The following UNC5C variants were observed in gnomAD, a reference collection of about 807,000 sequenced individuals.
The protein encoded by UNC5C is unc-5 netrin receptor C.
In UNC5C, 47 loss-of-function variants were observed where a neutral mutation model predicts 99.8. The observed-to-expected ratio is 0.47, with a 90% confidence interval of 0.37 to 0.60. The LOEUF is 0.60. Ranked by LOEUF, UNC5C falls within the 20% of genes least tolerant of loss-of-function variation. UNC5C has a pLI of 0.00. For synonymous variants in UNC5C, 487 were observed against 452.2 expected (o/e 1.08, Z -0.98); for missense variants, 1,062 against 1,165.9 (o/e 0.91, Z 1.30).
chr4:95,178,916 T>G (rs2149348410), intron 14 of UNC5C, among the ~76,000 whole-genome samples: 1 of 152,348 alleles, frequency 6.6e-6, no homozygotes, highest in East Asian at 1.9e-4. Context: ...ATCAAATGGC[T>G]GACAACAGCC....
At chr4:95,257,179 C>T (rs1231226543) in intron 4 of UNC5C, among the ~76,000 whole-genome samples, 2 of 152,180 alleles carry the variant, frequency 1.3e-5, no homozygotes, top group African/African-American at 2.4e-5. Context: ...TTCTCTTACT[C>T]AGTGTCAGCG....
Position 95,292,278 on chromosome 4 carries a change from GT to G in UNC5C, c.490+9327del, listed in dbSNP as rs1222354890. Among the ~76,000 whole-genome samples the G allele has an allele frequency of 8.5e-4, 104 of 121,972 alleles. 1 individual carries two copies. Among genetic ancestry groups the G allele is most frequent in the African/African-American group, 2.0e-3 (67 of 34,340 alleles). 80.0% of individuals were successfully genotyped at this position (121,972 alleles called of 152,430 possible). ...ATATATATATATATAAATTTTTTTT[GT>G]TTTTTTTTGAGATGGAGTCTTGCTC... On this transcript the variant is annotated intron_variant, in intron 3 of 15. Coordinates refer to ENST00000453304, the MANE Select transcript of UNC5C (RefSeq NM_003728.4).
At chr4:95,253,726 C>A (rs968654282) in intron 4 of UNC5C, among the ~76,000 whole-genome samples, 1 of 152,168 alleles carries the variant, frequency 6.6e-6, no homozygotes, top group Non-Finnish European at 1.5e-5. Context: ...CAAGACCCCA[C>A]AGTCCCCAAC....
Position 95,548,910 on chromosome 4 carries a change from C to A in UNC5C, c.-53G>T. The A allele has an allele frequency of 6.2e-7, 1 of 1,603,798 alleles. No individual in the cohort carries two copies. The highest frequency in any genetic ancestry group is 8.5e-7 in the Non-Finnish European group (1 of 1,174,836). ...GGAGGGGGACAGAGAGACGCGCAAA[C>A]AGCTGAAAGCCCCACTGGGCAGAAG... On this transcript the variant is annotated 5_prime_UTR_variant, in exon 1 of 16. Coordinates refer to ENST00000453304, the MANE Select transcript of UNC5C (RefSeq NM_003728.4).
chr4:95,355,988 G>A (rs1744169145), intron 1 of UNC5C, among the ~76,000 whole-genome samples: 1 of 151,808 alleles, frequency 6.6e-6, no homozygotes. Context: ...CCAGGAATTT[G>A]AGACCAGCAT....
intron 1 of UNC5C, among the ~76,000 whole-genome samples, chr4:95,519,177 C>T (rs1722288051): frequency 6.6e-6 from 1 of 152,060 alleles, no homozygotes; most frequent in African/African-American, 2.4e-5. Context: ...GTCTGCTAAA[C>T]TGCAAGCATG....
chr4:95,205,984 A>G (rs2149362030), intron 11 of UNC5C, among the ~76,000 whole-genome samples: 1 of 151,320 alleles, frequency 6.6e-6, no homozygotes, highest in East Asian at 1.9e-4. Flanking sequence ...TGCAAATTAT[A>G]TACGTATATA....
chr4:95,196,304 A>G (rs1046617095), intron 12 of UNC5C, among the ~76,000 whole-genome samples: 1 of 152,166 alleles, frequency 6.6e-6, no homozygotes, highest in African/African-American at 2.4e-5. Context: ...ACCAAACTCA[A>G]CCTTTTCAAT....
intron 1 of UNC5C, among the ~76,000 whole-genome samples, chr4:95,501,670 A>G (rs888198377): frequency 6.6e-6 from 1 of 152,132 alleles, no homozygotes. Context: ...ATAATAAACT[A>G]TAGCTTGTGA....
chr4:95,270,710 A>C lies in UNC5C; in HGVS notation c.594+7549T>G, dbSNP rs563331623. 2.6e-5 allele frequency among the ~76,000 whole-genome samples: 4 copies of C among 152,340 alleles called. No homozygotes were observed. The South Asian group carries it at 8.3e-4, about 32-fold the overall frequency. On this transcript the variant is annotated intron_variant, in intron 4 of 15. Transcript: ENST00000453304. ...TGACAAATGAACTAATACCAACAAC[A>C]ACCAAATAAAATAAAATAACCAAAA...
chr4:95,277,126 C>T (rs1560765836), intron 4 of UNC5C, among the ~76,000 whole-genome samples: 1 of 152,028 alleles, frequency 6.6e-6, no homozygotes, highest in African/African-American at 2.4e-5. Context: ...TTATTAATTG[C>T]TTTATGGACT....
chr4:95,271,251 G>A (rs1740651300), intron 4 of UNC5C, among the ~76,000 whole-genome samples: 2 of 149,890 alleles, frequency 1.3e-5, no homozygotes, highest in African/African-American at 5.0e-5. Context: ...TTTTTGAGAC[G>A]GAGTCTCGCT....
At chr4:95,377,205 C>G (rs1176247291) in intron 1 of UNC5C, among the ~76,000 whole-genome samples, 1 of 152,206 alleles carries the variant, frequency 6.6e-6, no homozygotes, top group African/African-American at 2.4e-5. Flanking sequence ...CAAAATCACA[C>G]TTTTCAATTT....
chr4:95,202,462 T>A (rs1205501663), intron 12 of UNC5C, among the ~76,000 whole-genome samples: 1 of 152,174 alleles, frequency 6.6e-6, no homozygotes, highest in Non-Finnish European at 1.5e-5. Flanking sequence ...CATCCACGGG[T>A]CTCGTTGCCA....
chr4:95,445,231 C>A (rs544736684), intron 1 of UNC5C, among the ~76,000 whole-genome samples: 4 of 152,088 alleles, frequency 2.6e-5, no homozygotes, highest in Admixed American at 6.6e-5. Flanking sequence ...TTGTCCTTCC[C>A]TACTTGCAAC....
intron 3 of UNC5C, among the ~76,000 whole-genome samples, chr4:95,286,440 T>C (rs1455491253): frequency 2.6e-5 from 4 of 152,306 alleles, no homozygotes; most frequent in African/African-American, 4.8e-5. Flanking sequence ...AAGTTACGCA[T>C]GGCACTGTGG....
chr4:95,191,536 C>T (rs966181467), intron 12 of UNC5C, among the ~76,000 whole-genome samples: 2 of 151,886 alleles, frequency 1.3e-5, no homozygotes, highest in Non-Finnish European at 1.5e-5. Flanking sequence ...ACCCTCTGCT[C>T]ACCCTCCCCA....
In UNC5C at chr4:95,237,505, A is replaced by G. The variant is rs143239434; in HGVS notation, c.1108+4924T>C. 3.5e-3 allele frequency among the ~76,000 whole-genome samples: 532 copies of G among 152,328 alleles called. 6 individuals are homozygous for G. Among genetic ancestry groups the G allele is most frequent in the African/African-American group, 0.012 (506 of 41,570 alleles). The stretch of plus-strand genomic sequence containing the variant: ...TTTCAATTGGTGTCAAATTTGAGGA[A>G]AGAAATAGATTTCTAACATGTCTTA... On this transcript the variant is annotated intron_variant, in intron 7 of 15. Coordinates refer to ENST00000453304, the MANE Select transcript of UNC5C (RefSeq NM_003728.4).
chr4:95,281,382 A>C (rs1226373645), intron 3 of UNC5C, among the ~76,000 whole-genome samples: 1 of 152,206 alleles, frequency 6.6e-6, no homozygotes, highest in African/African-American at 2.4e-5. Context: ...GTGCTTATGA[A>C]AAGCCTTTCT....
Sources: gnomAD v4.1 joint callset for allele counts (sites outside exome capture counted in the v4.1 genomes callset) on GRCh38, gnomAD v4.1.1 for gene constraint, MANE v1.5 for transcripts, NCBI Gene and HGNC (gene_info 2026-07-23, HGNC 2026-07-21) for gene names.